Variants in FGFR1 observed in about 807,000 individuals in gnomAD.
FGFR1 encodes the protein fibroblast growth factor receptor 1.
A neutral mutation model predicts 93.7 loss-of-function variants in FGFR1; 18 were observed. The ratio of observed to expected loss-of-function variants is 0.19; its 90% CI spans 0.13 to 0.28. FGFR1 has a LOEUF of 0.28. FGFR1 is among the 10% of genes least tolerant of loss of function. FGFR1 has a pLI of 1.00. For synonymous variants in FGFR1, 448 were observed against 429.3 expected, an observed-to-expected ratio of 1.04 and a Z score of -0.54; for missense variants, 731 against 1,080.4, an observed-to-expected ratio of 0.68 and a Z score of 4.53.
chr8:38,467,785 G>A (rs1835872740), intron 1 of FGFR1, 196 bp downstream of exon 1: 1 of 233,286 alleles, frequency 4.3e-6, no homozygotes, highest in East Asian at 6.0e-5. Context: ...GCGGACGGAG[G>A]GAAGGGAGGG....
intron 2 of FGFR1, among the ~76,000 whole-genome samples, chr8:38,448,965 GGT>G (rs1830244824): frequency 6.6e-6 from 1 of 152,068 alleles, no homozygotes; most frequent in African/African-American, 2.4e-5. Flanking sequence ...AAAAGGGCAT[GGT>G]GGCTCATGCC....
At chr8:38,416,938 G>A (rs1816871124) in intron 12 of FGFR1, among the ~76,000 whole-genome samples, 1 of 152,068 alleles carries the variant, frequency 6.6e-6, no homozygotes, top group Non-Finnish European at 1.5e-5. Flanking sequence ...TTTTTTAGTA[G>A]AGATGGGGTT....
chr8:38,415,504 A>G (rs912453936), intron 13 of FGFR1, among the ~76,000 whole-genome samples: 2 of 149,170 alleles, frequency 1.3e-5, no homozygotes, highest in Admixed American at 6.7e-5. Flanking sequence ...GTTTCAATAT[A>G]TTGCCCAACC....
At position 38,414,991 on chromosome 8, in the gene FGFR1, G is replaced by T; in HGVS notation, c.1855-90C>A. On this transcript the variant is annotated intron_variant, in intron 13 of 17. Transcript: ENST00000447712. ...CGCCACCCATGCAACTAGCCGACTT[G>T]TCTCATAGAACTTCTGCCACACTGC... The T allele has an allele frequency of 2.9e-6, 3 of 1,048,590 alleles. No individual in the cohort carries two copies. The South Asian group carries it at 4.0e-5, about 14-fold the overall frequency. The allele number at this position is 1,048,590 out of a possible 1,614,324, so 65.0% of individuals were successfully genotyped here.
chr8:38,415,811 G>C (rs2150579218), intron 13 of FGFR1, 59 bp downstream of exon 13: 1 of 1,528,336 alleles, frequency 6.5e-7, no homozygotes, highest in Non-Finnish European at 9.0e-7. Context: ...CAGGCTGGAA[G>C]ACTAGGGGGG....
intron 8 of FGFR1, among the ~76,000 whole-genome samples, chr8:38,420,841 A>T (rs942205991): frequency 1.3e-5 from 2 of 152,204 alleles, no homozygotes; most frequent in Non-Finnish European, 2.9e-5. Flanking sequence ...TGACAAGGAG[A>T]CAGCAGAGCT....
chr8:38,425,826 T>C, intron 6 of FGFR1: 1 of 446,644 alleles, frequency 2.2e-6, no homozygotes. Context: ...CAGCTCCTAT[T>C]ACGCTACATT....
At chr8:38,449,239 T>C (rs1465589963) in intron 2 of FGFR1, among the ~76,000 whole-genome samples, 33 of 152,032 alleles carry the variant, frequency 2.2e-4, no homozygotes, top group Admixed American at 2.2e-3. Context: ...TAAACTAAGA[T>C]TTGAGCAGGA....
At chr8:38,440,012 T>G (rs1259481674) in intron 2 of FGFR1, among the ~76,000 whole-genome samples, 1 of 152,134 alleles carries the variant, frequency 6.6e-6, no homozygotes, top group East Asian at 1.9e-4. Context: ...TGTCTCAGGG[T>G]AGCAATTTCT....
intron 2 of FGFR1, among the ~76,000 whole-genome samples, chr8:38,431,480 C>A (rs1032324017): frequency 1.3e-5 from 2 of 152,250 alleles, no homozygotes; most frequent in African/African-American, 4.8e-5. Flanking sequence ...TGCAGTCACT[C>A]TGGCTCTTCA....
intron 12 of FGFR1, among the ~76,000 whole-genome samples, chr8:38,416,768 T>A (rs1222206049): frequency 6.6e-6 from 1 of 151,602 alleles, no homozygotes; most frequent in African/African-American, 2.4e-5. Context: ...TTATTTATTT[T>A]ATTTTTGAGA....
rs1451046443 is a variant in FGFR1 at position 38,413,022 on chromosome 8, G to C, written c.*606C>G. 1 of 234,994 alleles carries C rather than the reference G, an allele frequency of 4.3e-6. No individual in the cohort carries two copies. Among genetic ancestry groups the C allele is most frequent in the Non-Finnish European group, 8.4e-6 (1 of 119,266 alleles). 14.6% of individuals were successfully genotyped at this position (234,994 alleles called of 1,614,324 possible). A position where few individuals can be genotyped will look rare whatever the true frequency, so the allele number is the denominator to read the frequency against. ...AGCTATATACAGAGCCCCCAGTTTGGGGCTGGGCCCCAGGGCCACAACACT... is the reference window on the plus strand; with the variant it reads ...AGCTATATACAGAGCCCCCAGTTTGCGGCTGGGCCCCAGGGCCACAACACT... On this transcript the variant is annotated 3_prime_UTR_variant, in exon 18 of 18. Transcript: ENST00000447712. This position sits in a 1 kb window ranked among gnomAD's most constrained non-coding sequence, Gnocchi z 4.2.
rs145315779 is a variant in FGFR1, at chr8:38,429,879, C to T, written c.161G>A (p.Arg54His). 3.1e-6 allele frequency: 5 copies of T among 1,614,002 alleles called. No individual in the cohort carries two copies. The highest frequency in any genetic ancestry group is 4.5e-5 in the East Asian group (2 of 44,872). ...CTGCACATCGTCCCGCAGCCGACAG[C>T]GAAGCTGCAGCAGGTCACCGGGGTG... ...LVHPGDLLQL[R>H]CRLRDDVQSI... The change falls in exon 3 of 18, where the codon CGC becomes CAC. Residue 54 changes from arginine to histidine, a missense_variant. This residue lies in a region of FGFR1 where 212 missense variants were observed against 205.8 expected (regional missense o/e 1.03). Transcript: ENST00000447712. The surrounding 1 kb of genome is among the most constrained non-coding windows in gnomAD (Gnocchi z 4.4).
At position 38,450,353 on chromosome 8, in the gene FGFR1, A is replaced by T. The variant is rs73674168; in HGVS notation, c.91+7003T>A. Reference sequence around the variant, plus strand: ...CATTTCCAAGCCTCAGGGAAGGAAGAAAGAGGCAAAGGTGGTGTCTACAGG... The same window carrying T: ...CATTTCCAAGCCTCAGGGAAGGAAGTAAGAGGCAAAGGTGGTGTCTACAGG... On this transcript the variant is annotated intron_variant, in intron 2 of 17. Transcript: ENST00000447712. Among the ~76,000 whole-genome samples, 1,179 of 152,278 alleles carry T rather than the reference A, an allele frequency of 7.7e-3. 16 individuals carry two copies. Among genetic ancestry groups the T allele is most frequent in the African/African-American group, 0.026 (1,079 of 41,548 alleles).
chr8:38,455,946 C>T (rs954350722), intron 2 of FGFR1, among the ~76,000 whole-genome samples: 1 of 152,220 alleles, frequency 6.6e-6, no homozygotes, highest in African/African-American at 2.4e-5. Context: ...GTCTCTCCCA[C>T]TTTGGGTCCC....
intron 12 of FGFR1, among the ~76,000 whole-genome samples, chr8:38,417,021 T>G (rs906433426): frequency 1.3e-5 from 2 of 152,248 alleles, no homozygotes; most frequent in African/African-American, 4.8e-5. Context: ...CCCAAATTGC[T>G]GGGATTACAG....
chr8:38,464,713 C>T (rs151114950), intron 1 of FGFR1, among the ~76,000 whole-genome samples: 2 of 152,274 alleles, frequency 1.3e-5, no homozygotes, highest in East Asian at 3.9e-4. Flanking sequence ...ACAAATTTCC[C>T]AGGAGGAAAT....
chr8:38,413,867 T>A lies in FGFR1; in HGVS notation c.2292+51A>T, dbSNP rs1401528932. ...CCTCCTCCCTGCTCAGGGAGGTGCG[T>A]GCACGCAGTGGGGACGGCCTGAGCT... On this transcript the variant is annotated intron_variant, in intron 17 of 17. Coordinates refer to ENST00000447712, the MANE Select transcript of FGFR1 (RefSeq NM_023110.3). This position sits in a 1 kb window ranked among gnomAD's most constrained non-coding sequence, Gnocchi z 4.2. 6.2e-7 allele frequency: 1 copy of A among 1,613,306 alleles called. No homozygotes were observed. The highest frequency in any genetic ancestry group is 1.1e-5 in the South Asian group (1 of 91,032).
intron 1 of FGFR1, among the ~76,000 whole-genome samples, chr8:38,466,937 T>G (rs1036277218): frequency 6.9e-6 from 1 of 144,652 alleles, no homozygotes; most frequent in African/African-American, 2.7e-5. Flanking sequence ...GGCTGCCTCA[T>G]AGGGGGTGTG....
Sources: gnomAD v4.1 joint callset for allele counts (sites outside exome capture counted in the v4.1 genomes callset) on GRCh38, gnomAD v4.1.1 for gene constraint, gnomAD v4.1.1 regional missense constraint, Gnocchi (gnomAD v3.1) non-coding constraint, MANE v1.5 for transcripts, NCBI Gene and HGNC (gene_info 2026-07-23, HGNC 2026-07-21) for gene names.